The following ELAVL2 variants were observed in gnomAD, a reference collection of about 807,000 sequenced individuals.
The protein encoded by ELAVL2 is ELAV like RNA binding protein 2.
Under a neutral mutation model 34.6 loss-of-function variants are expected in ELAVL2, and 4 were observed. The ratio of observed to expected loss-of-function variants is 0.12; its 90% confidence interval spans 0.06 to 0.26. The LOEUF (loss-of-function observed/expected upper bound fraction) is 0.26, where lower values mean the gene tolerates loss of function less well. Among genes scored for constraint, ELAVL2 ranks in the 10% least tolerant of loss-of-function variants. The pLI is 1.00. For synonymous variants in ELAVL2, 193 were observed against 154.8 expected, an observed-to-expected ratio of 1.25 and a Z score of -1.83; for missense variants, 432 against 442.8, an observed-to-expected ratio of 0.98 and a Z score of 0.22.
At chr9:23,788,767 G>C (rs1057285558) in intron 1 of ELAVL2, among the ~76,000 whole-genome samples, 1 of 152,142 alleles carries the variant, frequency 6.6e-6, no homozygotes, top group Non-Finnish European at 1.5e-5. Context: ...TACCTCGAAA[G>C]TCAATCTTAT....
At chr9:23,731,829 G>C (rs1030194545) in intron 2 of ELAVL2, among the ~76,000 whole-genome samples, 2 of 151,908 alleles carry the variant, frequency 1.3e-5, no homozygotes, top group African/African-American at 4.8e-5. Context: ...AATAACAGGA[G>C]AAAAAAAGTC....
chr9:23,795,869 A>G (rs537465547), intron 1 of ELAVL2, among the ~76,000 whole-genome samples: 1 of 152,192 alleles, frequency 6.6e-6, no homozygotes, highest in Non-Finnish European at 1.5e-5. Context: ...AGAGCTAAAC[A>G]ATCATTTTTA....
At chr9:23,744,203 T>C (rs1588008277) in intron 2 of ELAVL2, among the ~76,000 whole-genome samples, 1 of 152,270 alleles carries the variant, frequency 6.6e-6, no homozygotes, top group Non-Finnish European at 1.5e-5. Context: ...TTCTACCGTC[T>C]CCACCTTAAG....
At chr9:23,846,322 A>G in the ELAVL2 span, among the ~76,000 whole-genome samples, 3 of 151,954 alleles carry the variant, frequency 2.0e-5, no homozygotes, top group East Asian at 5.8e-4. Context: ...GATTAAGTAT[A>G]TCAAAGTAAA....
chr9:23,802,924 C>G (rs1487917183), intron 1 of ELAVL2, among the ~76,000 whole-genome samples: 1 of 151,632 alleles, frequency 6.6e-6, no homozygotes, highest in Non-Finnish European at 1.5e-5. Context: ...TAAACTTTCT[C>G]ATCTTAATTT....
chr9:23,792,519 G>A (rs890877786), intron 1 of ELAVL2, among the ~76,000 whole-genome samples: 4 of 152,062 alleles, frequency 2.6e-5, no homozygotes, highest in African/African-American at 9.7e-5. Context: ...CTTCAAATCT[G>A]TCTCCTCCTC....
intron 5 of ELAVL2, 23 bp from the exon 6 acceptor site, chr9:23,693,509 A>G: frequency 6.2e-7 from 1 of 1,613,948 alleles, no homozygotes; most frequent in East Asian, 2.2e-5. Flanking sequence ...CATTTAGCAA[A>G]CTTCAGTTTT....
the ELAVL2 span, among the ~76,000 whole-genome samples, chr9:23,842,933 G>A: frequency 6.6e-6 from 1 of 152,050 alleles, no homozygotes; most frequent in East Asian, 1.9e-4. Flanking sequence ...AACTGTACTT[G>A]CCATTTTTTC....
At position 23,751,617 on chromosome 9, in the gene ELAVL2, G is replaced by A. The variant is rs114485577; in HGVS notation, c.229+10389C>T. On this transcript the variant is annotated intron_variant, in intron 2 of 6. Transcript: ENST00000397312. Reference sequence around the variant, plus strand: ...TGAGACTATTTAGTATAGTATTTACGTTTTATATTAAACGGATACTCATCT... The same window carrying A: ...TGAGACTATTTAGTATAGTATTTACATTTTATATTAAACGGATACTCATCT... 5.5e-3 allele frequency among the ~76,000 whole-genome samples: 832 copies of A among 152,098 alleles called. 5 individuals carry two copies. The highest frequency in any genetic ancestry group is 0.019 in the African/African-American group (793 of 41,478).
chr9:23,690,421 A>G lies in ELAVL2; in HGVS notation c.*2136T>C, dbSNP rs993086532. On this transcript the variant is annotated 3_prime_UTR_variant, in exon 7 of 7. Transcript: ENST00000397312. ...GAAACCTTATTATTTTTTTTTAAGTATATACATGTATTTTATTTTTTAGTG... is the reference window on the plus strand; with the variant it reads ...GAAACCTTATTATTTTTTTTTAAGTGTATACATGTATTTTATTTTTTAGTG... 1.3e-5 allele frequency: 2 copies of G among 152,528 alleles called. No individual in the cohort carries two copies. Among genetic ancestry groups the G allele is most frequent in the African/African-American group, 4.8e-5 (2 of 41,428 alleles). 9.4% of individuals were successfully genotyped at this position (152,528 alleles called of 1,614,324 possible). A position where few individuals can be genotyped will look rare whatever the true frequency, so the allele number is the denominator to read the frequency against.
At chr9:23,714,476 A>G (rs61196597) in intron 3 of ELAVL2, among the ~76,000 whole-genome samples, 2 of 152,134 alleles carry the variant, frequency 1.3e-5, no homozygotes, top group Admixed American at 6.5e-5. Flanking sequence ...GAACATAAGG[A>G]AGGAGCTGTC....
At chr9:23,832,284 T>C in the ELAVL2 span, 1 of 152,146 alleles carries the variant, frequency 6.6e-6, no homozygotes, top group Admixed American at 6.5e-5. Context: ...GGAATAACAG[T>C]TATTTTTCAA....
In ELAVL2 at chr9:23,743,356, T is replaced by A. The variant is rs145024406; in HGVS notation, c.230-12231A>T. ...CTTCCCAAATCACCTCATCCAAAAG[T>A]TGAAGTGATTAGCTATTGTAATCCT... On this transcript the variant is annotated intron_variant, in intron 2 of 6. Coordinates refer to ENST00000397312, the MANE Select transcript of ELAVL2 (RefSeq NM_004432.5). Among the ~76,000 whole-genome samples the A allele has an allele frequency of 1.6e-4, 24 of 152,250 alleles. No individual in the cohort carries two copies. The East Asian group carries it at 4.5e-3, about 28-fold the overall frequency.
At chr9:23,785,455 T>C (rs1302424328) in intron 1 of ELAVL2, among the ~76,000 whole-genome samples, 2 of 152,222 alleles carry the variant, frequency 1.3e-5, no homozygotes, top group African/African-American at 2.4e-5. Context: ...GATCTTTTAG[T>C]TATCACAGCT....
chr9:23,721,637 T>G (rs1587698181), intron 3 of ELAVL2, among the ~76,000 whole-genome samples: 1 of 152,110 alleles, frequency 6.6e-6, no homozygotes, highest in South Asian at 2.1e-4. Flanking sequence ...CCTGGAACAA[T>G]ATGGGTTTGA....
the ELAVL2 span, among the ~76,000 whole-genome samples, chr9:23,843,745 G>A: frequency 1.3e-5 from 2 of 151,736 alleles, no homozygotes; most frequent in African/African-American, 2.4e-5. Flanking sequence ...CTGCTTTTGT[G>A]TGCCTTTCAC....
At chr9:23,818,573 G>A (rs965902493) in intron 1 of ELAVL2, among the ~76,000 whole-genome samples, 6 of 152,304 alleles carry the variant, frequency 3.9e-5, no homozygotes, top group African/African-American at 9.6e-5. Flanking sequence ...GGGGTAGACT[G>A]AGATGGGCAG....
At chr9:23,841,214 T>C in the ELAVL2 span, among the ~76,000 whole-genome samples, 1 of 152,064 alleles carries the variant, frequency 6.6e-6, no homozygotes, top group East Asian at 1.9e-4. Flanking sequence ...GTCCTAAAAG[T>C]ATCAAGAGAA....
chr9:23,767,253 C>A (rs753539754), intron 1 of ELAVL2, among the ~76,000 whole-genome samples: 1 of 152,138 alleles, frequency 6.6e-6, no homozygotes, highest in Non-Finnish European at 1.5e-5. Context: ...ATTTTAACAT[C>A]TACTGTTTTC....
Sources: gnomAD v4.1 joint callset for allele counts (sites outside exome capture counted in the v4.1 genomes callset) on GRCh38, gnomAD v4.1.1 for gene constraint, MANE v1.5 for transcripts, NCBI Gene and HGNC (gene_info 2026-07-23, HGNC 2026-07-21) for gene names.